RORA: variants seen among roughly 807,000 people sequenced by gnomAD.
RORA encodes RAR related orphan receptor A.
Under a neutral mutation model 69.5 loss-of-function variants are expected in RORA, and 7 were observed. That is an observed-to-expected ratio of 0.10 (90% CI 0.06 to 0.19). The LOEUF (loss-of-function observed/expected upper bound fraction) is 0.19. RORA is among the 10% of genes least tolerant of loss of function. The probability of loss-of-function intolerance (pLI) is 1.00; values close to 1 mark genes in which losing one functional copy is unlikely to be tolerated. For missense variants in RORA, 457 were observed against 663.0 expected (o/e 0.69, Z 3.41); for synonymous variants, 261 against 240.8 (o/e 1.08, Z -0.78).
chr15:60,860,254 A>C (rs2073424478), intron 1 of RORA, among the ~76,000 whole-genome samples: 1 of 152,214 alleles, frequency 6.6e-6, no homozygotes, highest in Non-Finnish European at 1.5e-5. Context: ...GTTCATCACC[A>C]GTTATAGTTT....
chr15:60,502,776 G>T lies in RORA; in HGVS notation c.1167C>A (p.Asp389Glu), dbSNP rs61760898. ...TCCCCTTACCTAAGGATTTGAAGACGTCGGGGCTGGCATACTTCCCATCAA... is the reference window on the plus strand; with the variant it reads ...TCCCCTTACCTAAGGATTTGAAGACTTCGGGGCTGGCATACTTCCCATCAA... ...VYFDGKYASP[D>E]VFKSLGCEDF... The change falls in exon 8 of 11, where the codon GAC (aspartate) becomes GAA (glutamate). Residue 389 changes from aspartate to glutamate, a missense_variant. Coordinates refer to ENST00000335670, the MANE Select transcript of RORA (RefSeq NM_134261.3). The T allele has an allele frequency of 1.2e-6, 2 of 1,611,878 alleles. No individual in the cohort carries two copies. Among genetic ancestry groups the T allele is most frequent in the African/African-American group, 1.3e-5 (1 of 74,980 alleles).
intron 1 of RORA, among the ~76,000 whole-genome samples, chr15:60,697,923 T>C (rs1002181251): frequency 2.6e-5 from 4 of 152,268 alleles, no homozygotes; most frequent in African/African-American, 9.6e-5. Context: ...CTTGTGAAGT[T>C]CCTATATAAT....
At chr15:61,069,353 T>C (rs576037021) in intron 1 of RORA, among the ~76,000 whole-genome samples, 34 of 152,020 alleles carry the variant, frequency 2.2e-4, no homozygotes, top group African/African-American at 8.2e-4. Flanking sequence ...TAAAATTGGG[T>C]GGAGAATCTA....
intron 1 of RORA, among the ~76,000 whole-genome samples, chr15:60,971,573 A>T: frequency 6.6e-6 from 1 of 152,016 alleles, no homozygotes; most frequent in Non-Finnish European, 1.5e-5. Flanking sequence ...TCCTCACTCC[A>T]TTGCAATCCT....
intron 1 of RORA, among the ~76,000 whole-genome samples, chr15:61,026,356 G>A (rs1895812972): frequency 6.6e-6 from 1 of 152,112 alleles, no homozygotes; most frequent in Non-Finnish European, 1.5e-5. Context: ...CTGCTATTTT[G>A]GGATGTATTT....
At chr15:60,881,462 A>G (rs2073679572) in intron 1 of RORA, among the ~76,000 whole-genome samples, 1 of 152,210 alleles carries the variant, frequency 6.6e-6, no homozygotes, top group Non-Finnish European at 1.5e-5. Context: ...CCATTTTACC[A>G]TGACTTAGAA....
At chr15:60,725,101 T>C (rs2071340289) in intron 1 of RORA, among the ~76,000 whole-genome samples, 1 of 152,220 alleles carries the variant, frequency 6.6e-6, no homozygotes, top group African/African-American at 2.4e-5. Context: ...GATTATAAAA[T>C]TGACTTAATT....
chr15:60,950,387 G>A (rs1248714330), intron 1 of RORA, among the ~76,000 whole-genome samples: 1 of 104,976 alleles, frequency 9.5e-6, no homozygotes, highest in Non-Finnish European at 1.9e-5. Flanking sequence ...CAACTAACGA[G>A]CAAAATAACC....
chr15:61,063,461 A>T (rs769781528), intron 1 of RORA, among the ~76,000 whole-genome samples: 1 of 152,250 alleles, frequency 6.6e-6, no homozygotes, highest in African/African-American at 2.4e-5. Context: ...TGTGAAAAGG[A>T]ATTAACTTAA....
At chr15:61,007,793 A>G (rs1894957938) in intron 1 of RORA, among the ~76,000 whole-genome samples, 1 of 147,676 alleles carries the variant, frequency 6.8e-6, no homozygotes. Flanking sequence ...TATATTTAAC[A>G]TTAGGCTGTT....
intron 1 of RORA, among the ~76,000 whole-genome samples, chr15:60,840,359 A>C (rs2073179533): frequency 6.6e-6 from 1 of 152,246 alleles, no homozygotes. Flanking sequence ...TTGAGAGCTC[A>C]ACATGGGGCC....
At chr15:60,682,130 T>C (rs540619620) in intron 1 of RORA, 1 of 152,280 alleles carries the variant, frequency 6.6e-6, no homozygotes, top group African/African-American at 2.4e-5. Context: ...TTGTATACAA[T>C]CATGATGACA....
chr15:60,656,925 G>A (rs1318584856), intron 2 of RORA, among the ~76,000 whole-genome samples: 2 of 152,154 alleles, frequency 1.3e-5, no homozygotes, highest in East Asian at 3.8e-4. Flanking sequence ...CAACTACAAA[G>A]TAACAGCAAA....
chr15:60,826,651 A>G (rs563926549), intron 1 of RORA, among the ~76,000 whole-genome samples: 133 of 146,970 alleles, frequency 9.0e-4, no homozygotes, highest in Non-Finnish European at 1.3e-3. Context: ...TCTGAGTATG[A>G]TTTTTTTTTT....
intron 2 of RORA, among the ~76,000 whole-genome samples, chr15:60,632,867 T>C (rs1194376852): frequency 6.6e-6 from 1 of 151,278 alleles, no homozygotes; most frequent in Non-Finnish European, 1.5e-5. Context: ...GCCAGTAAAA[T>C]CCAAAAAGAA....
At chr15:60,949,083 G>A (rs1359484708) in intron 1 of RORA, among the ~76,000 whole-genome samples, 1 of 152,162 alleles carries the variant, frequency 6.6e-6, no homozygotes, top group African/African-American at 2.4e-5. Context: ...CACAGTAGTG[G>A]TGTCCAGTCC....
At chr15:60,591,529 C>T (rs1426630850) in intron 2 of RORA, among the ~76,000 whole-genome samples, 1 of 152,150 alleles carries the variant, frequency 6.6e-6, no homozygotes, top group African/African-American at 2.4e-5. Context: ...CCGCCCCCGG[C>T]CCGGCTACGG....
intron 1 of RORA, among the ~76,000 whole-genome samples, chr15:60,942,608 G>T (rs1011322487): frequency 2.0e-5 from 3 of 152,214 alleles, no homozygotes; most frequent in Admixed American, 6.5e-5. Context: ...TCACTTAAAA[G>T]AATTTTCCTG....
chr15:60,838,467 G>A (rs2073148462), intron 1 of RORA, among the ~76,000 whole-genome samples: 2 of 152,180 alleles, frequency 1.3e-5, no homozygotes, highest in Admixed American at 1.3e-4. Flanking sequence ...ACCGGGCCAT[G>A]GGGCCAGCCT....
Sources: gnomAD v4.1 joint callset for allele counts (sites outside exome capture counted in the v4.1 genomes callset) on GRCh38, gnomAD v4.1.1 for gene constraint, MANE v1.5 for transcripts, NCBI Gene and HGNC (gene_info 2026-07-23, HGNC 2026-07-21) for gene names.